Variants in ELAVL1 observed in about 807,000 individuals in gnomAD.
ELAVL1 encodes ELAV like RNA binding protein 1.
Under a neutral mutation model 28.4 loss-of-function variants are expected in ELAVL1, and 1 was observed. That is an observed-to-expected ratio of 0.04 (90% CI 0.01 to 0.17). ELAVL1 has a LOEUF of 0.17. ELAVL1 is among the 10% of genes least tolerant of loss of function. The pLI is 1.00. For synonymous variants in ELAVL1, 174 were observed against 183.5 expected (o/e 0.95, Z 0.42); for missense variants, 157 against 447.2 (o/e 0.35, Z 5.85).
rs1985464163 is a variant in ELAVL1 at position 7,981,531 on chromosome 19, A to G, written c.173-345T>C. Among the ~76,000 whole-genome samples the G allele has an allele frequency of 1.3e-5, 2 of 151,818 alleles. No individual in the cohort carries two copies. The highest frequency in any genetic ancestry group is 4.2e-4 in the South Asian group (2 of 4,802). ...CTCCAGCAGGCCCAAGCTAATTGTT[A>G]AAATTATTTTTAGAGATGGGGTCTC... is the stretch of plus-strand genomic sequence containing the variant. On this transcript the variant is annotated intron_variant, in intron 2 of 5. Coordinates refer to ENST00000407627, the MANE Select transcript of ELAVL1 (RefSeq NM_001419.3). This position sits in a 1 kb window ranked among gnomAD's most constrained non-coding sequence, Gnocchi z 4.2.
At position 7,961,664 on chromosome 19, in the gene ELAVL1, C is replaced by G. The variant is rs916288295; in HGVS notation, c.*1819G>C. The G allele has an allele frequency of 1.3e-5, 2 of 152,184 alleles. No individual in the cohort carries two copies. The highest frequency in any genetic ancestry group is 2.9e-5 in the Non-Finnish European group (2 of 68,040). The allele number at this position is 152,184 out of a possible 1,614,324, so 9.4% of individuals were successfully genotyped here. A position where few individuals can be genotyped will look rare whatever the true frequency, so the allele number is the denominator to read the frequency against. On this transcript the variant is annotated 3_prime_UTR_variant, in exon 6 of 6. Transcript: ENST00000407627. ...GCACCAGGCCGACTTTTATGAGACACAGCCTGGGTACGGATGGCAACATCA... is the reference window on the plus strand; with the variant it reads ...GCACCAGGCCGACTTTTATGAGACAGAGCCTGGGTACGGATGGCAACATCA...
At chr19:7,985,091 T>C (rs547305094) in intron 2 of ELAVL1, among the ~76,000 whole-genome samples, 1 of 152,190 alleles carries the variant, frequency 6.6e-6, no homozygotes, top group Admixed American at 6.5e-5. Context: ...AGCTAATTTT[T>C]TAATTTTTTG....
rs185133870 is a variant in ELAVL1, at chr19:7,960,475, C to A, written c.*3008G>T. The A allele has an allele frequency of 1.9e-4, 29 of 152,356 alleles. No homozygotes were observed. The highest frequency in any genetic ancestry group is 6.3e-4 in the African/African-American group (26 of 41,568). The allele number at this position is 152,356 out of a possible 1,614,324, so 9.4% of individuals were successfully genotyped here. ...GAGGGAATCAGTCACAGAGCTGCGACTAGAGGCACAGCCAGCACAGAAAAC... is the reference window on the plus strand; with the variant it reads ...GAGGGAATCAGTCACAGAGCTGCGAATAGAGGCACAGCCAGCACAGAAAAC... On this transcript the variant is annotated 3_prime_UTR_variant, in exon 6 of 6. Transcript: ENST00000407627.
intron 1 of ELAVL1, among the ~76,000 whole-genome samples, chr19:8,000,107 G>T (rs1302788066): frequency 3.3e-5 from 5 of 151,986 alleles, no homozygotes; most frequent in East Asian, 1.9e-4. Flanking sequence ...GGCGGGGGCG[G>T]GGGGGTGTCT....
intron 1 of ELAVL1, among the ~76,000 whole-genome samples, chr19:8,001,867 C>T (rs2145231665): frequency 6.6e-6 from 1 of 152,282 alleles, no homozygotes; most frequent in South Asian, 2.1e-4. Context: ...GTGCCAGGCA[C>T]AGAGCAAAGC....
chr19:7,985,070 C>A (rs913887794), intron 2 of ELAVL1, among the ~76,000 whole-genome samples: 6 of 152,196 alleles, frequency 3.9e-5, no homozygotes, highest in Admixed American at 2.6e-4. Context: ...GAGGGGCACG[C>A]CACCATGCCC....
intron 2 of ELAVL1, among the ~76,000 whole-genome samples, chr19:7,987,149 G>A (rs1377008296): frequency 6.6e-6 from 1 of 151,002 alleles, no homozygotes. Context: ...AGTGGGGAGA[G>A]GGGGCAGGCG....
chr19:8,003,185 C>T (rs1047077101), intron 1 of ELAVL1, among the ~76,000 whole-genome samples: 3 of 145,790 alleles, frequency 2.1e-5, no homozygotes, highest in Non-Finnish European at 3.0e-5. Flanking sequence ...GTCAGGAGTT[C>T]GAGACCAGCC....
At chr19:7,991,493 G>T in intron 2 of ELAVL1, 151 bp downstream of exon 2, 1 of 761,764 alleles carries the variant, frequency 1.3e-6, no homozygotes, top group Non-Finnish European at 2.0e-6. Flanking sequence ...GCAATGGACA[G>T]AGTTTGAAAT....
intron 2 of ELAVL1, among the ~76,000 whole-genome samples, chr19:7,985,674 G>A (rs188521533): frequency 3.9e-5 from 6 of 152,342 alleles, no homozygotes; most frequent in African/African-American, 9.6e-5. Context: ...GGGGGCAAAC[G>A]GGGCCCCTGG....
In ELAVL1 at chr19:7,972,800, CTTTTTTTTTTTTTTTTT is replaced by C. The variant is rs386388490; in HGVS notation, c.430+908_430+924del. On this transcript the variant is annotated intron_variant, in intron 4 of 5. Transcript: ENST00000407627. ...CGCCACCGCACCTGGCTGCAGTATC[CTTTTTTTTTTTTTTTTT>C]TTTTTTTTTTTTGAGATGAAATCCC... 78 of 42,092 alleles carry C rather than the reference CTTTTTTTTTTTTTTTTT, an allele frequency of 1.9e-3. 1 individual carries two copies. The highest frequency in any genetic ancestry group is 5.9e-3 in the African/African-American group (61 of 10,338). The allele number at this position is 42,092 out of a possible 1,614,324, so 2.6% of individuals were successfully genotyped here.
At chr19:7,997,888 C>T (rs1010790001) in intron 1 of ELAVL1, among the ~76,000 whole-genome samples, 2 of 152,124 alleles carry the variant, frequency 1.3e-5, no homozygotes, top group Non-Finnish European at 2.9e-5. Context: ...GAGGTCAATA[C>T]TGCAGTTAGC....
At chr19:7,998,496 A>C (rs1039918610) in intron 1 of ELAVL1, among the ~76,000 whole-genome samples, 5 of 152,144 alleles carry the variant, frequency 3.3e-5, no homozygotes, top group African/African-American at 1.2e-4. Flanking sequence ...GGCCCTTCAC[A>C]ATCGGACCCA....
chr19:7,963,841 C>A lies in ELAVL1; in HGVS notation c.657-34G>T. ...CAGAGAGCAAGCGTCAGGCCACGGTCAGCGCAGGCGGCCTGGGGATGGGGC... is the reference window on the plus strand; with the variant it reads ...CAGAGAGCAAGCGTCAGGCCACGGTAAGCGCAGGCGGCCTGGGGATGGGGC... On this transcript the variant is annotated intron_variant, in intron 5 of 5. Transcript: ENST00000407627. This position sits in a 1 kb window ranked among gnomAD's most constrained non-coding sequence, Gnocchi z 4.5. The A allele has an allele frequency of 6.3e-7, 1 of 1,598,894 alleles. No individual in the cohort carries two copies. Among genetic ancestry groups the A allele is most frequent in the South Asian group, 1.1e-5 (1 of 89,180 alleles).
Position 8,002,198 on chromosome 19 carries a change from G to A in ELAVL1, c.-17+3297C>T, listed in dbSNP as rs776759807. On this transcript the variant is annotated intron_variant, in intron 1 of 5. Coordinates refer to ENST00000407627, the MANE Select transcript of ELAVL1 (RefSeq NM_001419.3). ...TGAACACTGCGATGTTCCCACCTCCGGGCTTGGCTGTATCCTAAAAAGCCC... is the reference window on the plus strand; with the variant it reads ...TGAACACTGCGATGTTCCCACCTCCAGGCTTGGCTGTATCCTAAAAAGCCC... The A allele has an allele frequency of 4.7e-5, 55 of 1,174,186 alleles. No homozygotes were observed. In the Middle Eastern group the frequency reaches 6.7e-4, roughly 14 times the overall value. The allele number at this position is 1,174,186 out of a possible 1,614,324, so 72.7% of individuals were successfully genotyped here. A position where few individuals can be genotyped will look rare whatever the true frequency, so the allele number is the denominator to read the frequency against.
chr19:8,003,879 A>G (rs935285511), intron 1 of ELAVL1, among the ~76,000 whole-genome samples: 6 of 152,184 alleles, frequency 3.9e-5, no homozygotes, highest in Non-Finnish European at 8.8e-5. Context: ...ATCCCAGCAC[A>G]GAACTTTGCA....
In ELAVL1 at chr19:8,005,583, A is replaced by AGCGGTGGCG. The variant is rs896985406; in HGVS notation, c.-114_-106dup. 13 of 148,396 alleles carry AGCGGTGGCG rather than the reference A, an allele frequency of 8.8e-5. No homozygotes were observed. Among genetic ancestry groups the AGCGGTGGCG allele is most frequent in the South Asian group, 3.5e-4 (2 of 5,636 alleles). 9.2% of individuals were successfully genotyped at this position (148,396 alleles called of 1,614,324 possible). A position where few individuals can be genotyped will look rare whatever the true frequency, so the allele number is the denominator to read the frequency against. ...GCTAACGGCTCCGCTCGGCCTCGGT[A>AGCGGTGGCG]GCGGTGGCGGCGGTGGCGGCGACGG... On this transcript the variant is annotated 5_prime_UTR_variant, in exon 1 of 6. Transcript: ENST00000407627.
At chr19:7,977,861 G>A (rs1031306275) in intron 3 of ELAVL1, among the ~76,000 whole-genome samples, 1 of 152,266 alleles carries the variant, frequency 6.6e-6, no homozygotes, top group African/African-American at 2.4e-5. Context: ...CCAGCCTGCA[G>A]TTCCCATGAT....
intron 1 of ELAVL1, among the ~76,000 whole-genome samples, chr19:8,003,355 C>CAAAAAAAAAAAAA (rs71165248): frequency 3.3e-5 from 2 of 61,090 alleles, no homozygotes; most frequent in Non-Finnish European, 5.4e-5. Flanking sequence ...GAAACTGTCT[C>CAAAAAAAAAAAAA]AAAAAAAAAA....
Sources: gnomAD v4.1 joint callset for allele counts (sites outside exome capture counted in the v4.1 genomes callset) on GRCh38, gnomAD v4.1.1 for gene constraint, Gnocchi (gnomAD v3.1) non-coding constraint, MANE v1.5 for transcripts, NCBI Gene and HGNC (gene_info 2026-07-23, HGNC 2026-07-21) for gene names.